ERGIC1: variants seen among roughly 807,000 people sequenced by gnomAD.
ERGIC1 encodes the protein endoplasmic reticulum-golgi intermediate compartment 1, also known as endoplasmic reticulum-Golgi intermediate compartment protein 1.
ERGIC1 carries 19 observed loss-of-function variants against 38.3 expected under a neutral mutation model. That is an observed-to-expected ratio of 0.50 (90% confidence interval 0.35 to 0.73). The LOEUF is 0.73. ERGIC1 is among the 30% of genes least tolerant of loss of function. The pLI is 0.01. For missense variants in ERGIC1, 294 were observed against 389.2 expected, an observed-to-expected ratio of 0.76 and a Z score of 2.06; for synonymous variants, 124 against 157.6, an observed-to-expected ratio of 0.79 and a Z score of 1.60.
chr5:172,892,519 T>C (rs1329864562), intron 2 of ERGIC1, among the ~76,000 whole-genome samples: 2 of 152,152 alleles, frequency 1.3e-5, no homozygotes, highest in East Asian at 3.9e-4. Context: ...GGGTCTCAGG[T>C]CCAGTGCCCC....
At chr5:172,901,643 G>T (rs1406304022) in intron 3 of ERGIC1, among the ~76,000 whole-genome samples, 2 of 151,820 alleles carry the variant, frequency 1.3e-5, no homozygotes, top group African/African-American at 4.8e-5. Context: ...TCATTCTGTT[G>T]CCCGGGCTGG....
chr5:172,920,222 T>C, intron 5 of ERGIC1: 2 of 677,748 alleles, frequency 3.0e-6, no homozygotes, highest in Non-Finnish European at 5.5e-6. Context: ...CACTTTCCCT[T>C]TGAGGAACCG....
intron 1 of ERGIC1, among the ~76,000 whole-genome samples, chr5:172,875,958 T>C (rs1762132635): frequency 6.6e-6 from 1 of 152,232 alleles, no homozygotes; most frequent in Admixed American, 6.5e-5. Context: ...AACCTGTTCC[T>C]GGTATTTTCT....
intron 5 of ERGIC1, among the ~76,000 whole-genome samples, chr5:172,922,671 A>G (rs778701723): frequency 6.6e-6 from 1 of 152,242 alleles, no homozygotes; most frequent in Non-Finnish European, 1.5e-5. Context: ...AGCAGAGGAC[A>G]CAGCAGCAGG....
chr5:172,911,945 T>C (rs1337829607), intron 4 of ERGIC1, among the ~76,000 whole-genome samples: 5 of 152,022 alleles, frequency 3.3e-5, no homozygotes, highest in Non-Finnish European at 5.9e-5. Context: ...GGGGCCCCCG[T>C]TCCCTACCCC....
chr5:172,844,226 G>A (rs538332420), intron 1 of ERGIC1, among the ~76,000 whole-genome samples: 55 of 152,298 alleles, frequency 3.6e-4, no homozygotes, highest in African/African-American at 1.0e-3. Flanking sequence ...ACACTCAGGC[G>A]CCCCTACCTA....
intron 4 of ERGIC1, among the ~76,000 whole-genome samples, chr5:172,911,176 G>A (rs144984098): frequency 7.7e-4 from 117 of 152,306 alleles, no homozygotes; most frequent in African/African-American, 2.7e-3. Flanking sequence ...TCTCCGGCCA[G>A]AGATAGGAAG....
chr5:172,949,310 A>C (rs1041557039), intron 9 of ERGIC1, among the ~76,000 whole-genome samples: 1 of 152,160 alleles, frequency 6.6e-6, no homozygotes, highest in Non-Finnish European at 1.5e-5. Context: ...ACCCCTATTC[A>C]GCCACTTGCT....
At chr5:172,940,784 C>G (rs1763994318) in intron 9 of ERGIC1, among the ~76,000 whole-genome samples, 1 of 152,222 alleles carries the variant, frequency 6.6e-6, no homozygotes, top group Non-Finnish European at 1.5e-5. Context: ...GGAGCCTCAC[C>G]CACAGACGTT....
chr5:172,870,793 A>G (rs111228844), intron 1 of ERGIC1, among the ~76,000 whole-genome samples: 6,898 of 152,232 alleles, frequency 0.045, 269 homozygotes, highest in African/African-American at 0.1. Context: ...TCTCCTCTGC[A>G]AAGCCTCATT....
At chr5:172,866,977 G>C (rs904464704) in intron 1 of ERGIC1, 2 of 347,304 alleles carry the variant, frequency 5.8e-6, no homozygotes, top group Middle Eastern at 5.4e-4. Flanking sequence ...GCATGAATGT[G>C]GAAATGAAAG....
chr5:172,885,534 C>A (rs1762396453), intron 1 of ERGIC1, among the ~76,000 whole-genome samples: 1 of 152,142 alleles, frequency 6.6e-6, no homozygotes, highest in African/African-American at 2.4e-5. Context: ...GGGTATCGAG[C>A]CCCAGGACAC....
At chr5:172,947,663 A>G (rs1041869378) in intron 9 of ERGIC1, among the ~76,000 whole-genome samples, 7 of 152,214 alleles carry the variant, frequency 4.6e-5, no homozygotes, top group Admixed American at 1.3e-4. Flanking sequence ...GCAGTCACTC[A>G]CCCTGTGACT....
At chr5:172,905,774 A>T (rs1461282270) in intron 3 of ERGIC1, among the ~76,000 whole-genome samples, 3 of 152,188 alleles carry the variant, frequency 2.0e-5, no homozygotes, top group Non-Finnish European at 4.4e-5. Flanking sequence ...TGCAAGACTT[A>T]ATAGAGTGAA....
chr5:172,881,242 C>T (rs1762276245), intron 1 of ERGIC1, among the ~76,000 whole-genome samples: 1 of 151,436 alleles, frequency 6.6e-6, no homozygotes, highest in Non-Finnish European at 1.5e-5. Context: ...AGCGAAACTC[C>T]ATCTCAAAAA....
intron 2 of ERGIC1, among the ~76,000 whole-genome samples, chr5:172,895,075 G>A (rs1021180444): frequency 2.0e-5 from 3 of 152,312 alleles, no homozygotes; most frequent in East Asian, 1.9e-4. Flanking sequence ...TGCAGGCTGC[G>A]GAGAATGCAG....
chr5:172,941,842 G>A (rs192949535), intron 9 of ERGIC1, among the ~76,000 whole-genome samples: 1 of 152,188 alleles, frequency 6.6e-6, no homozygotes, highest in Admixed American at 6.5e-5. Context: ...ACCTGTTTAG[G>A]CTTCTGCAAA....
intron 1 of ERGIC1, among the ~76,000 whole-genome samples, chr5:172,863,594 G>C (rs1156245855): frequency 6.6e-6 from 1 of 152,086 alleles, no homozygotes; most frequent in African/African-American, 2.4e-5. Context: ...CAGCATTTTT[G>C]TTGGTCCGGA....
intron 1 of ERGIC1, among the ~76,000 whole-genome samples, chr5:172,865,740 T>G (rs549950017): frequency 6.6e-6 from 1 of 152,372 alleles, no homozygotes; most frequent in East Asian, 1.9e-4. Context: ...GTTGGACTTC[T>G]TTCATCCCAT....
Sources: allele counts gnomAD v4.1 joint callset (sites outside exome capture counted in the v4.1 genomes callset), GRCh38; gene constraint gnomAD v4.1.1; transcripts MANE v1.5; gene names NCBI Gene and HGNC (gene_info 2026-07-23, HGNC 2026-07-21).